ADCK1: variants seen among roughly 807,000 people sequenced by gnomAD.
ADCK1 encodes aarF domain containing kinase 1.
Under a neutral mutation model 52.3 loss-of-function variants are expected in ADCK1, and 41 were observed. That is an observed-to-expected ratio of 0.78 (90% CI 0.61 to 1.02). ADCK1 has a LOEUF of 1.02. Among genes scored for constraint, ADCK1 ranks in the 50% least tolerant of loss-of-function variants. ADCK1 has a pLI of 0.00. For synonymous variants in ADCK1, 250 were observed against 274.6 expected (o/e 0.91, Z 0.89); for missense variants, 658 against 679.5 (o/e 0.97, Z 0.35).
chr14:77,852,381 T>C (rs2082302304), intron 3 of ADCK1, among the ~76,000 whole-genome samples: 1 of 152,040 alleles, frequency 6.6e-6, no homozygotes, highest in African/African-American at 2.4e-5. Context: ...CCTTTATTTT[T>C]GAAAAATTTT....
At chr14:77,861,232 C>G (rs2082538636) in intron 4 of ADCK1, among the ~76,000 whole-genome samples, 1 of 152,190 alleles carries the variant, frequency 6.6e-6, no homozygotes, top group African/African-American at 2.4e-5. Context: ...AGCTGGGGAG[C>G]TTCTTCAGAG....
At chr14:77,832,588 G>A (rs932505783) in intron 3 of ADCK1, among the ~76,000 whole-genome samples, 1 of 152,202 alleles carries the variant, frequency 6.6e-6, no homozygotes, top group African/African-American at 2.4e-5. Context: ...GGAGGAGGAA[G>A]AAGGGCAATA....
rs535861691 is a variant in ADCK1 at position 77,836,701 on chromosome 14, A to G, written c.219+14183A>G. On this transcript the variant is annotated intron_variant, in intron 3 of 10. Coordinates refer to ENST00000238561, the MANE Select transcript of ADCK1 (RefSeq NM_020421.4). ...CTTGCCTTTTCTGGTGGCACCAGGC[A>G]TTCCTGTGGCTGCATCATTGCAATC... Among the ~76,000 whole-genome samples the G allele has an allele frequency of 2.0e-5, 3 of 151,236 alleles. No individual in the cohort carries two copies. The East Asian group carries it at 5.8e-4, about 29-fold the overall frequency.
chr14:77,901,202 GC>G (rs150679587), intron 6 of ADCK1, among the ~76,000 whole-genome samples: 4,310 of 151,494 alleles, frequency 0.028, 105 homozygotes, highest in African/African-American at 0.052. Flanking sequence ...GTGCCACCAT[GC>G]CTTACTAATA....
intron 4 of ADCK1, among the ~76,000 whole-genome samples, chr14:77,862,034 A>G (rs2082560561): frequency 6.6e-6 from 1 of 152,184 alleles, no homozygotes; most frequent in African/African-American, 2.4e-5. Flanking sequence ...AAGCAATGGG[A>G]TGAGACCTCA....
chr14:77,803,656 T>C (rs1184089157), intron 1 of ADCK1, among the ~76,000 whole-genome samples: 1 of 152,208 alleles, frequency 6.6e-6, no homozygotes. Context: ...AAACATTTGA[T>C]AGACTGAAAT....
intron 4 of ADCK1, among the ~76,000 whole-genome samples, chr14:77,862,267 G>A (rs1038668041): frequency 1.3e-5 from 2 of 152,318 alleles, no homozygotes; most frequent in South Asian, 2.1e-4. Context: ...AGGTGGGGTC[G>A]TTTCTGCCTC....
At chr14:77,822,612 A>T in intron 3 of ADCK1, 94 bp downstream of exon 3, 2 of 1,105,824 alleles carry the variant, frequency 1.8e-6, no homozygotes, top group Non-Finnish European at 2.7e-6. Context: ...ACCCCCGCAA[A>T]GTGCTGGGAT....
intron 4 of ADCK1, among the ~76,000 whole-genome samples, chr14:77,874,533 G>C (rs368838656): frequency 1.2e-3 from 182 of 152,234 alleles, no homozygotes; most frequent in African/African-American, 3.9e-3. Flanking sequence ...AGACTAGGGA[G>C]GCCTATGTCT....
In ADCK1 at chr14:77,822,530, A is replaced by G. The variant is rs778670527; in HGVS notation, c.219+12A>G. The G allele has an allele frequency of 1.9e-6, 3 of 1,606,330 alleles. No homozygotes were observed. Among genetic ancestry groups the G allele is most frequent in the African/African-American group, 1.3e-5 (1 of 74,724 alleles). The stretch of plus-strand genomic sequence containing the variant: ...AGCTGAGATCTAAGGTAAGTAACCC[A>G]TGGGACCCATCTGAGCCAGGCCAGG... On this transcript the variant is annotated intron_variant, in intron 3 of 10. Coordinates refer to ENST00000238561, the MANE Select transcript of ADCK1 (RefSeq NM_020421.4).
In ADCK1 at chr14:77,819,051, A is replaced by G. The variant is rs753899637; in HGVS notation, c.73A>G (p.Ser25Gly). 30 of 1,614,082 alleles carry G rather than the reference A, an allele frequency of 1.9e-5. No individual in the cohort carries two copies. The African/African-American group carries it at 2.7e-4, about 14-fold the overall frequency. Residue 25 changes from serine (S) to glycine (G), a missense_variant, in exon 2 of 11, where the codon AGT (serine) becomes GGT (glycine). Physicochemically the swap from Ser to Gly is moderately conservative, Grantham distance 56. Coordinates refer to ENST00000238561, the MANE Select transcript of ADCK1 (RefSeq NM_020421.4). The part of the protein sequence containing the change: ...ALAASGIYFY[S>G]NKYLDPNDFG... ...TGCTGCCTCTGGCATCTACTTCTAC[A>G]GTAACAAGTACTTGGACCCTAATGA...
In ADCK1 at chr14:77,934,335, G is replaced by A. The variant is rs1303666028; in HGVS notation, c.*944G>A. On this transcript the variant is annotated 3_prime_UTR_variant, in exon 11 of 11. Coordinates refer to ENST00000238561, the MANE Select transcript of ADCK1 (RefSeq NM_020421.4). ...GGTTGGAGGAGTTAAGAAGCCCAAG[G>A]CCAGGAACTCAGAGGCTCAGCTGAA... 1.3e-5 allele frequency: 2 copies of A among 152,096 alleles called. No homozygotes were observed. Among genetic ancestry groups the A allele is most frequent in the African/African-American group, 2.4e-5 (1 of 41,382 alleles). 9.4% of individuals were successfully genotyped at this position (152,096 alleles called of 1,614,324 possible). A position where few individuals can be genotyped will look rare whatever the true frequency, so the allele number is the denominator to read the frequency against.
intron 5 of ADCK1, among the ~76,000 whole-genome samples, chr14:77,892,944 C>G (rs2083313637): frequency 6.6e-6 from 1 of 152,126 alleles, no homozygotes; most frequent in Admixed American, 6.5e-5. Flanking sequence ...AACCTTCTCC[C>G]TTGGAGAGGG....
intron 2 of ADCK1, 133 bp downstream of exon 2, chr14:77,819,246 A>G: frequency 7.9e-7 from 1 of 1,269,874 alleles, no homozygotes; most frequent in Non-Finnish European, 1.1e-6. Context: ...CAAAAGCTAC[A>G]TCTGCACAGG....
At chr14:77,880,670 A>T (rs2083003382) in intron 4 of ADCK1, among the ~76,000 whole-genome samples, 1 of 152,170 alleles carries the variant, frequency 6.6e-6, no homozygotes, top group Admixed American at 6.5e-5. Flanking sequence ...CCATGGTCAC[A>T]TCAGAGGTCT....
chr14:77,859,116 G>A lies in ADCK1; in HGVS notation c.260G>A (p.Cys87Tyr). 1.9e-6 allele frequency: 3 copies of A among 1,612,560 alleles called. No individual in the cohort carries two copies. The highest frequency in any genetic ancestry group is 2.5e-6 in the Non-Finnish European group (3 of 1,179,756). The change falls in exon 4 of 11, where the codon TGT becomes TAT. Residue 87 changes from cysteine (C) to tyrosine (Y), a missense_variant. Transcript: ENST00000238561. ...RSARRLCELCCANRGTFIKVG... is the reference protein window; with the variant it reads ...RSARRLCELCYANRGTFIKVG... ...GCCAGGCGTCTCTGTGAGCTCTGCTGTGCCAACCGGGGCACCTTCATCAAG... is the reference window on the plus strand; with the variant it reads ...GCCAGGCGTCTCTGTGAGCTCTGCTATGCCAACCGGGGCACCTTCATCAAG...
intron 3 of ADCK1, among the ~76,000 whole-genome samples, chr14:77,848,075 T>C (rs1482578133): frequency 6.6e-6 from 1 of 152,150 alleles, no homozygotes; most frequent in Non-Finnish European, 1.5e-5. Context: ...TTAAAAATTT[T>C]TTAAAATAAA....
chr14:77,831,867 G>A (rs1323177541), intron 3 of ADCK1, among the ~76,000 whole-genome samples: 1 of 152,212 alleles, frequency 6.6e-6, no homozygotes. Context: ...CTAAGGTCGG[G>A]TGACAACTCT....
At chr14:77,882,509 A>G (rs1434023190) in intron 4 of ADCK1, among the ~76,000 whole-genome samples, 2 of 152,240 alleles carry the variant, frequency 1.3e-5, no homozygotes, top group East Asian at 1.9e-4. Flanking sequence ...GTGACCGAGT[A>G]TGGGAACAGC....
Sources: allele counts gnomAD v4.1 joint callset (sites outside exome capture counted in the v4.1 genomes callset), GRCh38; gene constraint gnomAD v4.1.1; transcripts MANE v1.5; gene names NCBI Gene and HGNC (gene_info 2026-07-23, HGNC 2026-07-21).